Variants in COL8A1 observed in about 807,000 individuals in gnomAD.
The protein encoded by COL8A1 is collagen alpha-1(VIII) chain.
COL8A1 carries 21 observed loss-of-function variants against 42.7 expected under a neutral mutation model. The ratio of observed to expected loss-of-function variants is 0.49; its 90% CI spans 0.35 to 0.71. The LOEUF (loss-of-function observed/expected upper bound fraction) is 0.71, where lower values mean the gene tolerates loss of function less well. Among genes scored for constraint, COL8A1 ranks in the 30% least tolerant of loss-of-function variants. The pLI is 0.01. For synonymous variants in COL8A1, 367 were observed against 369.1 expected (o/e 0.99, Z 0.06); for missense variants, 788 against 962.4 (o/e 0.82, Z 2.40).
Position 99,774,964 on chromosome 3 carries a change from C to G in COL8A1, c.-3-15716C>G, listed in dbSNP as rs138455076. 3.5e-4 allele frequency among the ~76,000 whole-genome samples: 53 copies of G among 152,240 alleles called. 1 individual carries two copies. The East Asian group carries it at 9.7e-3, about 28-fold the overall frequency. ...GAGCAAACCAAAGTAAATGGCCAAG[C>G]AATGTTTATTAGGGAAAATGTATAG... On this transcript the variant is annotated intron_variant, in intron 2 of 3. Transcript: ENST00000652472.
chr3:99,778,145 T>G (rs944758608), intron 2 of COL8A1, among the ~76,000 whole-genome samples: 15 of 152,174 alleles, frequency 9.9e-5, no homozygotes, highest in African/African-American at 3.6e-4. Context: ...CTCCCCTCCT[T>G]TTTCTCAACA....
At chr3:99,641,304 T>C (rs925406658) in intron 1 of COL8A1, among the ~76,000 whole-genome samples, 2 of 152,126 alleles carry the variant, frequency 1.3e-5, no homozygotes, top group African/African-American at 4.8e-5. Context: ...CAAAAATCCA[T>C]GTCTGCTCTT....
intron 2 of COL8A1, among the ~76,000 whole-genome samples, chr3:99,777,327 TGGCGAGCTCAG>T (rs917373729): frequency 1.3e-5 from 2 of 152,218 alleles, no homozygotes; most frequent in Non-Finnish European, 2.9e-5. Flanking sequence ...CAGAGGCTGG[TGGCGAGCTCAG>T]GACAGACACC....
At chr3:99,664,440 C>T (rs1324692088) in intron 1 of COL8A1, among the ~76,000 whole-genome samples, 1 of 151,976 alleles carries the variant, frequency 6.6e-6, no homozygotes, top group East Asian at 1.9e-4. Flanking sequence ...AAGGCTCAAT[C>T]CCGTTTAAAA....
chr3:99,750,689 T>C (rs1158168403), intron 2 of COL8A1, among the ~76,000 whole-genome samples: 1 of 152,194 alleles, frequency 6.6e-6, no homozygotes, highest in African/African-American at 2.4e-5. Context: ...TAAAGCAACC[T>C]GTAGGCTATT....
At chr3:99,726,517 T>C (rs1045862162) in intron 1 of COL8A1, among the ~76,000 whole-genome samples, 16 of 151,484 alleles carry the variant, frequency 1.1e-4, no homozygotes, top group Non-Finnish European at 1.8e-4. Context: ...ATTGCCTAGG[T>C]TTTCTTCTAG....
chr3:99,786,210 T>C (rs1941892737), intron 2 of COL8A1, among the ~76,000 whole-genome samples: 1 of 152,190 alleles, frequency 6.6e-6, no homozygotes, highest in Non-Finnish European at 1.5e-5. Flanking sequence ...GCTCTTCCAC[T>C]CTGTCATTAT....
At chr3:99,730,713 G>T (rs1006949007) in intron 1 of COL8A1, among the ~76,000 whole-genome samples, 1 of 152,128 alleles carries the variant, frequency 6.6e-6, no homozygotes, top group South Asian at 2.1e-4. Context: ...AGAAGTGAAC[G>T]TTATTCATTT....
intron 1 of COL8A1, among the ~76,000 whole-genome samples, chr3:99,685,232 C>T (rs934263259): frequency 2.0e-5 from 3 of 152,166 alleles, no homozygotes; most frequent in Non-Finnish European, 4.4e-5. Flanking sequence ...GTCTTACCAT[C>T]ATCAAAAGCA....
intron 1 of COL8A1, among the ~76,000 whole-genome samples, chr3:99,725,631 G>A (rs1195176348): frequency 6.8e-5 from 9 of 132,962 alleles, no homozygotes; most frequent in East Asian, 4.5e-4. Flanking sequence ...TGTTCTCATC[G>A]TTCAATTCCC....
chr3:99,755,169 T>C (rs914247431), intron 2 of COL8A1, among the ~76,000 whole-genome samples: 1 of 152,094 alleles, frequency 6.6e-6, no homozygotes, highest in Non-Finnish European at 1.5e-5. Context: ...ACAAAGGAAA[T>C]TGAAGCAAAG....
intron 2 of COL8A1, among the ~76,000 whole-genome samples, chr3:99,766,324 A>G (rs962755504): frequency 1.3e-5 from 2 of 152,144 alleles, no homozygotes; most frequent in Admixed American, 1.3e-4. Context: ...TGCAGCCCAT[A>G]GGCTCTTTCC....
chr3:99,670,411 A>G (rs1165890705), intron 1 of COL8A1, among the ~76,000 whole-genome samples: 1 of 152,076 alleles, frequency 6.6e-6, no homozygotes, highest in Non-Finnish European at 1.5e-5. Flanking sequence ...ACATACTTGG[A>G]ACCAGTTTTT....
intron 1 of COL8A1, among the ~76,000 whole-genome samples, chr3:99,732,610 G>A (rs1284102535): frequency 6.6e-6 from 1 of 152,100 alleles, no homozygotes; most frequent in Admixed American, 6.6e-5. Context: ...CATGACACAT[G>A]GGGATTACGG....
At chr3:99,753,219 G>A (rs1037339681) in intron 2 of COL8A1, among the ~76,000 whole-genome samples, 2 of 152,154 alleles carry the variant, frequency 1.3e-5, no homozygotes, top group Non-Finnish European at 2.9e-5. Flanking sequence ...GCCAGATGAT[G>A]GTGAGGCTAC....
chr3:99,664,948 C>T (rs1454791303), intron 1 of COL8A1, among the ~76,000 whole-genome samples: 3 of 152,176 alleles, frequency 2.0e-5, no homozygotes, highest in African/African-American at 4.8e-5. Flanking sequence ...TAGCTTCCAA[C>T]GTCCTTCAGA....
chr3:99,721,369 CA>C (rs34692096), intron 1 of COL8A1, among the ~76,000 whole-genome samples: 159 of 118,502 alleles, frequency 1.3e-3, no homozygotes, highest in Middle Eastern at 4.5e-3. Context: ...ACAATTTAGA[CA>C]AAAAAAAAAA....
Position 99,739,091 on chromosome 3 carries a change from G to A in COL8A1, c.-128-5806G>A, listed in dbSNP as rs139049595. Among the ~76,000 whole-genome samples, 89 of 152,014 alleles carry A rather than the reference G, an allele frequency of 5.9e-4. No individual in the cohort carries two copies. In the East Asian group the frequency reaches 0.013, roughly 22 times the overall value. Reference sequence around the variant, plus strand: ...CCTCGCCCTGCTTTGGCTCGTGCACGGTGCGCGCACCCACTGACCTGTGCC... The same window carrying A: ...CCTCGCCCTGCTTTGGCTCGTGCACAGTGCGCGCACCCACTGACCTGTGCC... On this transcript the variant is annotated intron_variant, in intron 1 of 3. Transcript: ENST00000652472.
intron 2 of COL8A1, among the ~76,000 whole-genome samples, chr3:99,790,028 C>CA (rs1941969962): frequency 1.3e-5 from 2 of 152,212 alleles, no homozygotes; most frequent in South Asian, 4.1e-4. Context: ...AAGCAGCCCT[C>CA]ATCTGGCAGA....
Sources: allele counts gnomAD v4.1 joint callset (sites outside exome capture counted in the v4.1 genomes callset), GRCh38; gene constraint gnomAD v4.1.1; transcripts MANE v1.5; gene names NCBI Gene and HGNC (gene_info 2026-07-23, HGNC 2026-07-21).